Variants in HCN1 observed in about 807,000 individuals in gnomAD.
The protein encoded by HCN1 is hyperpolarization activated cyclic nucleotide gated potassium channel 1, also known as potassium/sodium hyperpolarization-activated cyclic nucleotide-gated channel 1.
HCN1 carries 13 observed loss-of-function variants against 78.9 expected under a neutral mutation model. That is an observed-to-expected ratio of 0.16 (90% CI 0.11 to 0.26). HCN1 has a LOEUF of 0.26. HCN1 is among the 10% of genes least tolerant of loss of function. HCN1 has a pLI of 1.00. For synonymous variants in HCN1, 552 were observed against 455.5 expected, an observed-to-expected ratio of 1.21 and a Z score of -2.70; for missense variants, 810 against 1,154.3, an observed-to-expected ratio of 0.70 and a Z score of 4.32.
At chr5:45,543,675 C>G (rs186313430) in intron 2 of HCN1, among the ~76,000 whole-genome samples, 1 of 152,110 alleles carries the variant, frequency 6.6e-6, no homozygotes, top group African/African-American at 2.4e-5. Context: ...AGTACAGCTT[C>G]CATACAATGT....
chr5:45,584,435 G>C (rs1013855815), intron 2 of HCN1, among the ~76,000 whole-genome samples: 11 of 152,124 alleles, frequency 7.2e-5, no homozygotes, highest in Non-Finnish European at 1.5e-5. Flanking sequence ...CTGCACGTGA[G>C]ATGGGTTTCC....
At chr5:45,318,335 G>A (rs987722897) in intron 5 of HCN1, among the ~76,000 whole-genome samples, 18 of 152,100 alleles carry the variant, frequency 1.2e-4, no homozygotes, top group African/African-American at 4.3e-4. Flanking sequence ...AACACCACAT[G>A]TTCTCACTCA....
At chr5:45,283,897 C>T (rs568583024) in intron 6 of HCN1, among the ~76,000 whole-genome samples, 2 of 152,154 alleles carry the variant, frequency 1.3e-5, no homozygotes, top group East Asian at 1.9e-4. Context: ...AACTTAAATG[C>T]CTATCAATGA....
chr5:45,356,245 G>C (rs1747005035), intron 4 of HCN1, among the ~76,000 whole-genome samples: 1 of 151,900 alleles, frequency 6.6e-6, no homozygotes, highest in Non-Finnish European at 1.5e-5. Context: ...TTTTTGAAAA[G>C]CAAGGATGCC....
At chr5:45,630,499 A>G (rs1745253026) in intron 2 of HCN1, among the ~76,000 whole-genome samples, 1 of 152,228 alleles carries the variant, frequency 6.6e-6, no homozygotes, top group Non-Finnish European at 1.5e-5. Flanking sequence ...TGCTAAAAAT[A>G]TCATGGTGTT....
intron 2 of HCN1, among the ~76,000 whole-genome samples, chr5:45,488,527 C>T (rs1466947939): frequency 6.6e-6 from 1 of 152,040 alleles, no homozygotes; most frequent in East Asian, 1.9e-4. Context: ...CATTGAATTC[C>T]ATATAATATT....
intron 2 of HCN1, among the ~76,000 whole-genome samples, chr5:45,619,326 T>A (rs1394296893): frequency 6.6e-6 from 1 of 151,990 alleles, no homozygotes. Context: ...TCAACAAAAA[T>A]AACTATGGAT....
chr5:45,441,410 A>AAGGG (rs368793201), intron 3 of HCN1, among the ~76,000 whole-genome samples: 30 of 140,634 alleles, frequency 2.1e-4, no homozygotes, highest in Admixed American at 7.1e-4. Flanking sequence ...AGAAGGAAGG[A>AAGGG]AGGGAGGGAG....
chr5:45,290,374 C>T (rs11957513), intron 6 of HCN1, among the ~76,000 whole-genome samples: 2,461 of 152,132 alleles, frequency 0.016, 70 homozygotes, highest in African/African-American at 0.056. Flanking sequence ...GAGGCCCCAC[C>T]TCCAATGTCA....
chr5:45,655,164 A>C (rs1382602127), intron 1 of HCN1, among the ~76,000 whole-genome samples: 1 of 152,066 alleles, frequency 6.6e-6, no homozygotes, highest in Non-Finnish European at 1.5e-5. Flanking sequence ...AATGATTCTG[A>C]TTTCTGGATA....
chr5:45,417,306 T>C, intron 3 of HCN1, among the ~76,000 whole-genome samples: 1 of 152,098 alleles, frequency 6.6e-6, no homozygotes, highest in Admixed American at 6.6e-5. Context: ...TCTATAATAT[T>C]TTAGTATGTT....
chr5:45,363,999 C>T (rs1009410918), intron 4 of HCN1, among the ~76,000 whole-genome samples: 1 of 152,002 alleles, frequency 6.6e-6, no homozygotes, highest in Non-Finnish European at 1.5e-5. Flanking sequence ...AATTACCCAC[C>T]CCAAATTCTT....
At chr5:45,594,495 G>A (rs1396614759) in intron 2 of HCN1, among the ~76,000 whole-genome samples, 1 of 152,114 alleles carries the variant, frequency 6.6e-6, no homozygotes, top group Non-Finnish European at 1.5e-5. Flanking sequence ...TTTCTCAAAT[G>A]AAAAGTAAAA....
intron 2 of HCN1, among the ~76,000 whole-genome samples, chr5:45,483,955 C>T (rs62369084): frequency 0.01 from 1,553 of 152,128 alleles, 12 homozygotes; most frequent in Middle Eastern, 0.02. Context: ...TCCAAGTTTT[C>T]GATTCTGTTC....
intron 2 of HCN1, chr5:45,576,257 T>G (rs1247718189): frequency 1.3e-5 from 2 of 151,826 alleles, no homozygotes; most frequent in African/African-American, 4.8e-5. Flanking sequence ...AGTGGTTTCT[T>G]GAGATGGAAT....
chr5:45,340,140 C>T (rs186392585), intron 5 of HCN1, among the ~76,000 whole-genome samples: 4 of 152,046 alleles, frequency 2.6e-5, no homozygotes, highest in East Asian at 1.9e-4. Flanking sequence ...AGGCTGGTCT[C>T]GAACTCCTGA....
At chr5:45,552,765 G>A (rs1476084043) in intron 2 of HCN1, among the ~76,000 whole-genome samples, 1 of 151,866 alleles carries the variant, frequency 6.6e-6, no homozygotes, top group Non-Finnish European at 1.5e-5. Context: ...ATTTTTGTAA[G>A]CTTATCATTA....
chr5:45,580,098 G>T (rs1382047929), intron 2 of HCN1, among the ~76,000 whole-genome samples: 1 of 152,006 alleles, frequency 6.6e-6, no homozygotes, highest in Non-Finnish European at 1.5e-5. Flanking sequence ...TGAATATATT[G>T]CCCTGAAAGG....
chr5:45,308,727 G>C (rs867674020), intron 5 of HCN1, among the ~76,000 whole-genome samples: 1 of 151,986 alleles, frequency 6.6e-6, no homozygotes, highest in Non-Finnish European at 1.5e-5. Flanking sequence ...TGTTCTATGA[G>C]TCTGTTCTTG....
Sources: gnomAD v4.1 joint callset for allele counts (sites outside exome capture counted in the v4.1 genomes callset) on GRCh38, gnomAD v4.1.1 for gene constraint, MANE v1.5 for transcripts, NCBI Gene and HGNC (gene_info 2026-07-23, HGNC 2026-07-21) for gene names.